C5AR2: variants seen among roughly 807,000 people sequenced by gnomAD.
The protein encoded by C5AR2 is complement C5a receptor 2, also known as C5a anaphylatoxin chemotactic receptor 2.
For missense variants in C5AR2, 458 were observed against 467.5 expected (o/e 0.98, Z 0.19); for synonymous variants, 224 against 216.5 (o/e 1.03, Z -0.30).
At chr19:47,340,268 A>G (rs1397578400) in intron 1 of C5AR2, among the ~76,000 whole-genome samples, 2 of 151,812 alleles carry the variant, frequency 1.3e-5, no homozygotes, top group Admixed American at 6.6e-5. Context: ...CAATATTCCA[A>G]TGTACTAGGG....
Position 47,343,416 on chromosome 19 carries a change from T to G in C5AR2, c.*1603T>G, listed in dbSNP as rs1022159095. 75 of 152,350 alleles carry G rather than the reference T, an allele frequency of 4.9e-4. 1 individual carries two copies. Among genetic ancestry groups the G allele is most frequent in the African/African-American group, 1.8e-3 (74 of 41,588 alleles). 9.4% of individuals were successfully genotyped at this position (152,350 alleles called of 1,614,324 possible). On this transcript the variant is annotated 3_prime_UTR_variant, in exon 2 of 2. Coordinates refer to ENST00000595464, the MANE Select transcript of C5AR2 (RefSeq NM_001271749.2). ...CACACCCTTCGGGCTATATTCACGC[T>G]TCTGCATCTTTCCTGAAGCTGTGCC...
Position 47,341,522 on chromosome 19 carries a change from GTTTT to G in C5AR2, c.726_729del (p.Phe242LeufsTer69), listed in dbSNP as rs772965289. On this transcript the variant is annotated frameshift_variant, in exon 2 of 2. Coordinates refer to ENST00000595464, the MANE Select transcript of C5AR2 (RefSeq NM_001271749.2). LOFTEE classifies it low-confidence loss of function (END_TRUNC). This position sits in a 1 kb window ranked among gnomAD's most constrained non-coding sequence, Gnocchi z 4.6. ...CGCTGGGCACAGCCATTGTGGTGGG[GTTTT>G]TTGTCTGCTGGGCACCCTACCACCT... 1 of 1,612,250 alleles carries G rather than the reference GTTTT, an allele frequency of 6.2e-7. No individual in the cohort carries two copies. Among genetic ancestry groups the G allele is most frequent in the Non-Finnish European group, 8.5e-7 (1 of 1,179,612 alleles).
At chr19:47,335,976 C>T (rs2059356189) in intron 1 of C5AR2, among the ~76,000 whole-genome samples, 1 of 151,786 alleles carries the variant, frequency 6.6e-6, no homozygotes, top group Non-Finnish European at 1.5e-5. Context: ...ATTCTTACAA[C>T]ACCCCCTAAG....
intron 1 of C5AR2, among the ~76,000 whole-genome samples, chr19:47,335,401 T>C (rs1239052173): frequency 6.6e-6 from 1 of 152,018 alleles, no homozygotes; most frequent in African/African-American, 2.4e-5. Flanking sequence ...CATTTCTGGT[T>C]AAGACGTTAC....
At position 47,342,103 on chromosome 19, in the gene C5AR2, C is replaced by T. The variant is rs1259001341; in HGVS notation, c.*290C>T. Reference sequence around the variant, plus strand: ...TTTGCGGTGGCTCACGCCTGTAATTCCAGGGCTTTGGGAGGCTGAGGCAGG... The same window carrying T: ...TTTGCGGTGGCTCACGCCTGTAATTTCAGGGCTTTGGGAGGCTGAGGCAGG... On this transcript the variant is annotated 3_prime_UTR_variant, in exon 2 of 2. Coordinates refer to ENST00000595464, the MANE Select transcript of C5AR2 (RefSeq NM_001271749.2). 2 of 315,604 alleles carry T rather than the reference C, an allele frequency of 6.3e-6. No individual in the cohort carries two copies. The highest frequency in any genetic ancestry group is 1.2e-5 in the Non-Finnish European group (2 of 164,596). The allele number at this position is 315,604 out of a possible 1,614,324, so 19.6% of individuals were successfully genotyped here.
chr19:47,335,665 G>A (rs1033336977), intron 1 of C5AR2, among the ~76,000 whole-genome samples: 2 of 149,092 alleles, frequency 1.3e-5, no homozygotes, highest in African/African-American at 4.9e-5. Flanking sequence ...CCAGCTACTC[G>A]GGAGACTGAG....
intron 1 of C5AR2, among the ~76,000 whole-genome samples, chr19:47,338,246 G>A (rs1379392537): frequency 7.0e-6 from 1 of 143,180 alleles, no homozygotes; most frequent in Non-Finnish European, 1.5e-5. Flanking sequence ...CTGCACTCCA[G>A]CGTTGGCAAG....
chr19:47,344,280 G>A lies in C5AR2; in HGVS notation c.*2467G>A, dbSNP rs1383060622. 1 of 152,318 alleles carries A rather than the reference G, an allele frequency of 6.6e-6. No individual in the cohort carries two copies. Among genetic ancestry groups the A allele is most frequent in the Non-Finnish European group, 1.5e-5 (1 of 68,148 alleles). The allele number at this position is 152,318 out of a possible 1,614,324, so 9.4% of individuals were successfully genotyped here. On this transcript the variant is annotated 3_prime_UTR_variant, in exon 2 of 2. Transcript: ENST00000595464. ...GAGGATTGCTTCAGCCTGGGAGGTT[G>A]AGGCTGCAGTGAGCCGTGATCTCAT...
chr19:47,341,648 C>A lies in C5AR2; in HGVS notation c.849C>A (p.His283Gln). ...EPLIVGLALA[H>Q]SCLNPMLFLY... Reference sequence around the variant, plus strand: ...TCATCGTGGGCCTTGCCCTCGCTCACAGCTGCCTCAATCCCATGCTCTTCC... The same window carrying A: ...TCATCGTGGGCCTTGCCCTCGCTCAAAGCTGCCTCAATCCCATGCTCTTCC... Residue 283 changes from histidine (H) to glutamine (Q), a missense_variant, in exon 2 of 2, where the codon CAC (histidine) becomes CAA (glutamine). Physicochemically the swap from His to Gln is conservative, Grantham distance 24. Transcript: ENST00000595464. This position sits in a 1 kb window ranked among gnomAD's most constrained non-coding sequence, Gnocchi z 4.6. 1 of 1,614,130 alleles carries A rather than the reference C, an allele frequency of 6.2e-7. No individual in the cohort carries two copies. The highest frequency in any genetic ancestry group is 8.5e-7 in the Non-Finnish European group (1 of 1,180,038).
intron 1 of C5AR2, among the ~76,000 whole-genome samples, chr19:47,336,425 T>C (rs28362048): frequency 1.6e-5 from 2 of 121,960 alleles, no homozygotes; most frequent in Admixed American, 9.1e-5. Flanking sequence ...GTACTCTTTC[T>C]TTCTTTCTTT....
rs1969008142 is a variant in C5AR2, at chr19:47,340,979, T to C, written c.180T>C (p.Ala60=). 2 of 1,610,678 alleles carry C rather than the reference T, an allele frequency of 1.2e-6. No homozygotes were observed. Among genetic ancestry groups the C allele is most frequent in the Admixed American group, 3.3e-5 (2 of 59,978 alleles). Reference sequence around the variant, plus strand: ...GCAATGCCATGGTGGCCTGGGTGGCTGGGAAGGTGGCCCGCCGGAGGGTGG... The same window carrying C: ...GCAATGCCATGGTGGCCTGGGTGGCCGGGAAGGTGGCCCGCCGGAGGGTGG... ...VPGNAMVAWV[A]GKVARRRVGA... The change falls in exon 2 of 2, where the codon GCT becomes GCC. Residue 60 remains alanine, a synonymous_variant. Coordinates refer to ENST00000595464, the MANE Select transcript of C5AR2 (RefSeq NM_001271749.2).
At chr19:47,335,034 G>A (rs1039551861) in intron 1 of C5AR2, among the ~76,000 whole-genome samples, 1 of 141,452 alleles carries the variant, frequency 7.1e-6, no homozygotes, top group Non-Finnish European at 1.5e-5. Flanking sequence ...ACAGGCACTC[G>A]CCCCCACGCC....
chr19:47,336,376 C>T (rs1255669380), intron 1 of C5AR2, among the ~76,000 whole-genome samples: 1 of 151,850 alleles, frequency 6.6e-6, no homozygotes, highest in Non-Finnish European at 1.5e-5. Context: ...AGGTGTGAGC[C>T]ACTGTGCCCG....
chr19:47,340,272 A>G (rs1968990708), intron 1 of C5AR2, among the ~76,000 whole-genome samples: 1 of 151,706 alleles, frequency 6.6e-6, no homozygotes, highest in Non-Finnish European at 1.5e-5. Flanking sequence ...ATTCCAATGT[A>G]CTAGGGTTCT....
At chr19:47,338,011 G>A (rs1386803525) in intron 1 of C5AR2, among the ~76,000 whole-genome samples, 2 of 151,638 alleles carry the variant, frequency 1.3e-5, no homozygotes, top group Admixed American at 6.6e-5. Flanking sequence ...GGAAGCAGAG[G>A]TTGCAGTGAG....
chr19:47,333,409 C>A (rs2059346513), intron 1 of C5AR2, among the ~76,000 whole-genome samples: 1 of 152,180 alleles, frequency 6.6e-6, no homozygotes, highest in East Asian at 1.9e-4. Flanking sequence ...ATGTGTTTAT[C>A]CATTCTGCTG....
Position 47,344,154 on chromosome 19 carries a change from CAA to C in C5AR2, c.*2342_*2343del, listed in dbSNP as rs1359828188. 1 of 152,034 alleles carries C rather than the reference CAA, an allele frequency of 6.6e-6. No individual in the cohort carries two copies. The highest frequency in any genetic ancestry group is 1.5e-5 in the Non-Finnish European group (1 of 68,068). The allele number at this position is 152,034 out of a possible 1,614,324, so 9.4% of individuals were successfully genotyped here. Reference sequence around the variant, plus strand: ...CCCAGAAGCTGGAGACCTGCCTGGGCAACAGAGCAAGACCCCATCTCTACAAA... The same window carrying C: ...CCCAGAAGCTGGAGACCTGCCTGGGCCAGAGCAAGACCCCATCTCTACAAA... On this transcript the variant is annotated 3_prime_UTR_variant, in exon 2 of 2. Coordinates refer to ENST00000595464, the MANE Select transcript of C5AR2 (RefSeq NM_001271749.2).
Position 47,341,065 on chromosome 19 carries a change from T to A in C5AR2, c.266T>A (p.Ile89Asn), listed in dbSNP as rs1280660515. The A allele has an allele frequency of 6.2e-7, 1 of 1,606,094 alleles. No individual in the cohort carries two copies. Among genetic ancestry groups the A allele is most frequent in the Admixed American group, 1.7e-5 (1 of 60,026 alleles). The change falls in exon 2 of 2, where the codon ATC becomes AAC. Residue 89 changes from isoleucine to asparagine, a missense_variant. Transcript: ENST00000595464. This position sits in a 1 kb window ranked among gnomAD's most constrained non-coding sequence, Gnocchi z 4.6. ...ADLLCCLSLP[I>N]LAVPIARGGH... ...TTGCTGTGCTGTTTGTCTCTGCCCA[T>A]CCTGGCAGTGCCCATTGCCCGTGGA...
intron 1 of C5AR2, among the ~76,000 whole-genome samples, chr19:47,334,379 C>T (rs371679119): frequency 3.6e-4 from 54 of 151,530 alleles, no homozygotes; most frequent in African/African-American, 1.2e-3. Flanking sequence ...CCTGTAATGG[C>T]AGCACTTTTG....
Sources: gnomAD v4.1 joint callset for allele counts (sites outside exome capture counted in the v4.1 genomes callset) on GRCh38, gnomAD v4.1.1 for gene constraint, Gnocchi (gnomAD v3.1) non-coding constraint, MANE v1.5 for transcripts, NCBI Gene and HGNC (gene_info 2026-07-23, HGNC 2026-07-21) for gene names.